Variants in RALGAPA2 observed in about 807,000 individuals in gnomAD.
The protein encoded by RALGAPA2 is Ral GTPase activating protein catalytic subunit alpha 2.
Under a neutral mutation model 230.4 loss-of-function variants are expected in RALGAPA2, and 139 were observed. The ratio of observed to expected loss-of-function variants is 0.60; its 90% CI spans 0.53 to 0.69. RALGAPA2 has a LOEUF of 0.69. Among genes scored for constraint, RALGAPA2 ranks in the 30% least tolerant of loss-of-function variants. The pLI is 0.00. For synonymous variants in RALGAPA2, 847 were observed against 837.8 expected, an observed-to-expected ratio of 1.01 and a Z score of -0.19; for missense variants, 2,163 against 2,276.0, an observed-to-expected ratio of 0.95 and a Z score of 1.01.
At chr20:20,625,964 C>T (rs904689833) in intron 10 of RALGAPA2, among the ~76,000 whole-genome samples, 2 of 152,190 alleles carry the variant, frequency 1.3e-5, no homozygotes, top group African/African-American at 4.8e-5. Context: ...GTGACCCACA[C>T]CAGGTGGTTC....
At chr20:20,397,385 T>C (rs1001975358) in intron 38 of RALGAPA2, among the ~76,000 whole-genome samples, 1 of 152,226 alleles carries the variant, frequency 6.6e-6, no homozygotes, top group Non-Finnish European at 1.5e-5. Context: ...GTCTCAGTAG[T>C]CACACAGAAC....
Position 20,410,323 on chromosome 20 carries a change from GATA to G in RALGAPA2, c.5617+1701_5617+1703del, listed in dbSNP as rs1398926705. ...AACAAAGTCCATCATTATTCATTTT[GATA>G]ATATCTTAATAATCTTAAGAATGTA... On this transcript the variant is annotated intron_variant, in intron 38 of 39. Transcript: ENST00000202677. 3.3e-5 allele frequency among the ~76,000 whole-genome samples: 5 copies of G among 152,108 alleles called. No homozygotes were observed. In the East Asian group the frequency reaches 9.6e-4, roughly 29 times the overall value.
intron 1 of RALGAPA2, among the ~76,000 whole-genome samples, chr20:20,696,750 C>T (rs1009618584): frequency 1.1e-4 from 17 of 152,154 alleles, no homozygotes; most frequent in African/African-American, 4.1e-4. Flanking sequence ...CACAAAGCTG[C>T]TCCCTTGCTT....
Position 20,398,643 on chromosome 20 carries a change from G to A in RALGAPA2, c.5618-1909C>T, listed in dbSNP as rs1171154612. Reference sequence around the variant, plus strand: ...ACTGACCAACCTGGGCAGTGTGGAGGGCACCTGGAGGGCAATGTGCTCGGA... The same window carrying A: ...ACTGACCAACCTGGGCAGTGTGGAGAGCACCTGGAGGGCAATGTGCTCGGA... On this transcript the variant is annotated intron_variant, in intron 38 of 39. Coordinates refer to ENST00000202677, the MANE Select transcript of RALGAPA2 (RefSeq NM_020343.4). The surrounding 1 kb of genome is among the most constrained non-coding windows in gnomAD (Gnocchi z 4.5). Among the ~76,000 whole-genome samples, 1 of 152,122 alleles carries A rather than the reference G, an allele frequency of 6.6e-6. No homozygotes were observed. Among genetic ancestry groups the A allele is most frequent in the Non-Finnish European group, 1.5e-5 (1 of 68,024 alleles).
At chr20:20,696,176 T>A (rs2069107282) in intron 1 of RALGAPA2, among the ~76,000 whole-genome samples, 2 of 152,196 alleles carry the variant, frequency 1.3e-5, no homozygotes, top group African/African-American at 4.8e-5. Flanking sequence ...CACTACTCGC[T>A]GCTGCAGTAA....
intron 26 of RALGAPA2, among the ~76,000 whole-genome samples, chr20:20,535,121 C>T (rs1246114559): frequency 6.6e-6 from 1 of 152,108 alleles, no homozygotes; most frequent in Non-Finnish European, 1.5e-5. Flanking sequence ...GAACATGAAC[C>T]GTTCCTAGGA....
intron 37 of RALGAPA2, among the ~76,000 whole-genome samples, chr20:20,443,797 G>T (rs2060797266): frequency 6.6e-6 from 1 of 152,240 alleles, no homozygotes; most frequent in Non-Finnish European, 1.5e-5. Context: ...CACAACAAAA[G>T]CTAAGTCCTG....
intron 36 of RALGAPA2, 147 bp from the exon 37 acceptor site, chr20:20,473,103 T>C: frequency 5.0e-6 from 4 of 792,656 alleles, no homozygotes; most frequent in Non-Finnish European, 7.5e-6. Flanking sequence ...GACACAGGTC[T>C]AGGGCTTTCA....
intron 37 of RALGAPA2, among the ~76,000 whole-genome samples, chr20:20,420,586 C>G (rs1287396943): frequency 6.6e-6 from 1 of 152,108 alleles, no homozygotes; most frequent in Non-Finnish European, 1.5e-5. Context: ...TGCTGGGTGA[C>G]ACACACACCC....
intron 14 of RALGAPA2, among the ~76,000 whole-genome samples, chr20:20,605,750 T>C (rs1335661548): frequency 6.6e-6 from 1 of 152,158 alleles, no homozygotes; most frequent in Admixed American, 6.5e-5. Context: ...CCACAGTGGC[T>C]ACTTCAAACC....
chr20:20,507,519 A>AT (rs547463617), intron 33 of RALGAPA2, among the ~76,000 whole-genome samples: 46 of 151,876 alleles, frequency 3.0e-4, no homozygotes, highest in African/African-American at 9.9e-4. Context: ...CACCTGGCTA[A>AT]TTTTTTTTAT....
chr20:20,534,711 T>TA (rs2063455590), intron 26 of RALGAPA2, among the ~76,000 whole-genome samples: 1 of 152,184 alleles, frequency 6.6e-6, no homozygotes, highest in African/African-American at 2.4e-5. Context: ...TCTAATTTTG[T>TA]AAAAACTCTT....
chr20:20,568,913 G>T (rs1014710845), intron 23 of RALGAPA2, among the ~76,000 whole-genome samples: 1 of 152,094 alleles, frequency 6.6e-6, no homozygotes, highest in Non-Finnish European at 1.5e-5. Flanking sequence ...CTTTCATAAG[G>T]TTCTCTCTGC....
chr20:20,600,906 C>A (rs1236762467), intron 16 of RALGAPA2, among the ~76,000 whole-genome samples: 2 of 152,156 alleles, frequency 1.3e-5, no homozygotes, highest in Non-Finnish European at 2.9e-5. Context: ...TCGAGACCAG[C>A]CTGACCAACA....
chr20:20,462,873 C>T (rs1203845788), intron 37 of RALGAPA2, among the ~76,000 whole-genome samples: 1 of 152,206 alleles, frequency 6.6e-6, no homozygotes, highest in Non-Finnish European at 1.5e-5. Flanking sequence ...ATTTGAATAA[C>T]AGAAAGTCTC....
intron 4 of RALGAPA2, among the ~76,000 whole-genome samples, chr20:20,648,734 G>A (rs562050541): frequency 5.9e-5 from 9 of 152,134 alleles, no homozygotes; most frequent in African/African-American, 2.2e-4. Flanking sequence ...GGGATGGGGG[G>A]AAGGCAAGCG....
At chr20:20,431,783 A>G (rs554134039) in intron 37 of RALGAPA2, among the ~76,000 whole-genome samples, 22 of 152,330 alleles carry the variant, frequency 1.4e-4, no homozygotes, top group African/African-American at 5.1e-4. Context: ...ATGTATCACA[A>G]CATCACACTG....
chr20:20,415,863 T>C (rs2060154210), intron 37 of RALGAPA2, among the ~76,000 whole-genome samples: 2 of 152,224 alleles, frequency 1.3e-5, no homozygotes, highest in South Asian at 4.1e-4. Context: ...TGCAGAGCTG[T>C]AAGAATCTGA....
At chr20:20,624,212 A>G (rs1413421721) in intron 10 of RALGAPA2, among the ~76,000 whole-genome samples, 2 of 151,964 alleles carry the variant, frequency 1.3e-5, no homozygotes, top group African/African-American at 4.8e-5. Context: ...CTGTAATCCC[A>G]GCTATTTGGG....
Sources: gnomAD v4.1 joint callset for allele counts (sites outside exome capture counted in the v4.1 genomes callset) on GRCh38, gnomAD v4.1.1 for gene constraint, Gnocchi (gnomAD v3.1) non-coding constraint, MANE v1.5 for transcripts, NCBI Gene and HGNC (gene_info 2026-07-23, HGNC 2026-07-21) for gene names.